TASP1: variants seen among roughly 807,000 people sequenced by gnomAD.
TASP1 encodes the protein taspase 1, also known as threonine aspartase 1.
A neutral mutation model predicts 56.6 loss-of-function variants in TASP1; 16 were observed. The ratio of observed to expected loss-of-function variants is 0.28; its 90% CI spans 0.19 to 0.43. TASP1 has a LOEUF of 0.43. Ranked by LOEUF, TASP1 falls within the 20% of genes least tolerant of loss-of-function variation. The pLI, the probability that TASP1 is intolerant of heterozygous loss-of-function variation, is 1.00. For missense variants in TASP1, 393 were observed against 511.6 expected, an observed-to-expected ratio of 0.77 and a Z score of 2.24; for synonymous variants, 179 against 184.2, an observed-to-expected ratio of 0.97 and a Z score of 0.23.
At chr20:13,215,241 G>A in the TASP1 span, among the ~76,000 whole-genome samples, 249 of 152,302 alleles carry the variant, frequency 1.6e-3, 3 homozygotes, top group African/African-American at 5.2e-3. Flanking sequence ...TGGGCCTGTT[G>A]CCTCAACTGT....
chr20:13,383,723 T>C, the TASP1 span, among the ~76,000 whole-genome samples: 46 of 152,220 alleles, frequency 3.0e-4, no homozygotes, highest in African/African-American at 1.1e-3. Context: ...CAGCTCGGCC[T>C]ATCTCCTAGC....
chr20:13,422,666 A>G (rs969594542), intron 12 of TASP1, among the ~76,000 whole-genome samples: 6 of 152,194 alleles, frequency 3.9e-5, no homozygotes, highest in Non-Finnish European at 8.8e-5. Flanking sequence ...CTTCAGTACT[A>G]TGCTTGGCGC....
the TASP1 span, among the ~76,000 whole-genome samples, chr20:13,296,910 C>T: frequency 1.3e-5 from 2 of 151,986 alleles, no homozygotes; most frequent in Admixed American, 6.6e-5. Context: ...CCCAGCTACT[C>T]GGGAGACTGA....
the TASP1 span, among the ~76,000 whole-genome samples, chr20:13,297,539 C>G: frequency 6.6e-6 from 1 of 152,318 alleles, no homozygotes; most frequent in East Asian, 1.9e-4. Context: ...CTCACTAAAC[C>G]TGAAGTCCTG....
At chr20:13,282,099 A>G in the TASP1 span, among the ~76,000 whole-genome samples, 1 of 152,146 alleles carries the variant, frequency 6.6e-6, no homozygotes, top group Admixed American at 6.5e-5. Flanking sequence ...CCTCTGTTTG[A>G]GATGAATGGT....
chr20:13,509,124 AGTGTGTGTGT>A lies in TASP1; in HGVS notation c.874+19299_874+19308del, dbSNP rs71334125. Among the ~76,000 whole-genome samples the A allele has an allele frequency of 1.6e-3, 225 of 142,880 alleles. 1 individual carries two copies. In the East Asian group the frequency reaches 0.024, roughly 15 times the overall value. 93.7% of individuals were successfully genotyped at this position (142,880 alleles called of 152,430 possible). A position where few individuals can be genotyped will look rare whatever the true frequency, so the allele number is the denominator to read the frequency against. Reference sequence around the variant, plus strand: ...AATGAATGAATGAATGAATGAAGAAAGTGTGTGTGTGTGTGTGTGTGTGTGTGTGTGTGTG... The same window carrying A: ...AATGAATGAATGAATGAATGAAGAAAGTGTGTGTGTGTGTGTGTGTGTGTG... On this transcript the variant is annotated intron_variant, in intron 10 of 13. Transcript: ENST00000337743.
chr20:13,434,292 C>T (rs1281917302), intron 12 of TASP1, among the ~76,000 whole-genome samples: 1 of 151,978 alleles, frequency 6.6e-6, no homozygotes, highest in Non-Finnish European at 1.5e-5. Flanking sequence ...CAAATAGTGC[C>T]CCTGCTAGTG....
In TASP1 at chr20:13,511,729, T is replaced by G. The variant is rs545919872; in HGVS notation, c.874+16704A>C. On this transcript the variant is annotated intron_variant, in intron 10 of 13. Transcript: ENST00000337743. ...CATTAACTTGTCATTTAACATTAGG[T>G]ATATCTCCTAATGCTATCCCTCCCC... 2.3e-3 allele frequency among the ~76,000 whole-genome samples: 354 copies of G among 151,242 alleles called. 1 individual carries two copies. The highest frequency in any genetic ancestry group is 3.8e-3 in the Non-Finnish European group (260 of 67,776).
intron 11 of TASP1, among the ~76,000 whole-genome samples, chr20:13,444,262 G>A (rs1021980430): frequency 2.0e-5 from 3 of 152,172 alleles, no homozygotes; most frequent in Non-Finnish European, 4.4e-5. Flanking sequence ...TTTATCAAGA[G>A]AGGCATTCTG....
At chr20:13,498,331 TTGTGTGTGTGTGTGTGTGTGTGTGTG>T (rs60099056) in intron 10 of TASP1, among the ~76,000 whole-genome samples, 9 of 135,010 alleles carry the variant, frequency 6.7e-5, no homozygotes, top group African/African-American at 2.6e-4. Flanking sequence ...TTCTTTTCTT[TTGTGTGTGTGTGTGTGTGTGTGTGTG>T]TGTGTGTGTG....
At chr20:13,288,792 T>C in the TASP1 span, 56 of 721,348 alleles carry the variant, frequency 7.8e-5, no homozygotes, top group Non-Finnish European at 1.0e-4. Flanking sequence ...TTTTCTTTTC[T>C]TTTTTTTTTT....
chr20:13,550,132 T>C lies in TASP1; in HGVS notation c.675+8876A>G, dbSNP rs538300437. ...CTAAGTTAGAAGCTTTTCCTAAATA[T>C]GGAATATATACACATACACACACAC... On this transcript the variant is annotated intron_variant, in intron 8 of 13. Transcript: ENST00000337743. Among the ~76,000 whole-genome samples, 183 of 135,386 alleles carry C rather than the reference T, an allele frequency of 1.4e-3. No homozygotes were observed. The Middle Eastern group carries it at 0.029, about 22-fold the overall frequency. The allele number at this position is 135,386 out of a possible 152,430, so 88.8% of individuals were successfully genotyped here.
At chr20:13,303,483 G>C in the TASP1 span, among the ~76,000 whole-genome samples, 1 of 152,200 alleles carries the variant, frequency 6.6e-6, no homozygotes, top group Non-Finnish European at 1.5e-5. Flanking sequence ...CCACACATAA[G>C]CCCTGTGCTA....
chr20:13,108,956 A>G, the TASP1 span, among the ~76,000 whole-genome samples: 1 of 152,200 alleles, frequency 6.6e-6, no homozygotes, highest in East Asian at 1.9e-4. Flanking sequence ...TTTCAGTTTC[A>G]TCTTCTCAAA....
chr20:13,422,044 C>T lies in TASP1; in HGVS notation c.1097-4523G>A, dbSNP rs147557091. On this transcript the variant is annotated intron_variant, in intron 12 of 13. Transcript: ENST00000337743. The stretch of plus-strand genomic sequence containing the variant: ...TCGGCTCACTGCAAGCTCTGCCTCC[C>T]GGGTTCACGCCATTCTCCTGCCTCA... Among the ~76,000 whole-genome samples the T allele has an allele frequency of 3.8e-3, 560 of 148,124 alleles. 3 individuals are homozygous for T. Among genetic ancestry groups the T allele is most frequent in the East Asian group, 0.01 (52 of 5,028 alleles).
chr20:13,476,770 AT>A (rs775848337), intron 11 of TASP1, among the ~76,000 whole-genome samples: 1 of 152,216 alleles, frequency 6.6e-6, no homozygotes, highest in Non-Finnish European at 1.5e-5. Context: ...GATACGCTTA[AT>A]TTATATTTTC....
chr20:13,219,347 T>C, the TASP1 span, among the ~76,000 whole-genome samples: 2 of 152,080 alleles, frequency 1.3e-5, no homozygotes, highest in African/African-American at 4.8e-5. Flanking sequence ...TGATCCTAAT[T>C]AGAAAACACA....
At chr20:13,394,652 T>C (rs1287087792) in intron 13 of TASP1, among the ~76,000 whole-genome samples, 1 of 151,918 alleles carries the variant, frequency 6.6e-6, no homozygotes, top group East Asian at 1.9e-4. Context: ...AAGTATAGAC[T>C]AACTAAAATT....
At chr20:13,244,770 CA>C in the TASP1 span, among the ~76,000 whole-genome samples, 1 of 152,146 alleles carries the variant, frequency 6.6e-6, no homozygotes, top group Non-Finnish European at 1.5e-5. Flanking sequence ...ATGCACAAGT[CA>C]AAAGTGAGTA....
Sources: allele counts gnomAD v4.1 joint callset (sites outside exome capture counted in the v4.1 genomes callset), GRCh38; gene constraint gnomAD v4.1.1; transcripts MANE v1.5; gene names NCBI Gene and HGNC (gene_info 2026-07-23, HGNC 2026-07-21).